The following HHIP variants were observed in gnomAD, a reference collection of about 807,000 sequenced individuals.
HHIP encodes the protein hedgehog interacting protein, also known as hedgehog-interacting protein.
In HHIP, 12 loss-of-function variants were observed where a neutral mutation model predicts 74.0. That is an observed-to-expected ratio of 0.16 (90% CI 0.10 to 0.26). The LOEUF (loss-of-function observed/expected upper bound fraction) is 0.26, where lower values mean the gene tolerates loss of function less well. Among genes scored for constraint, HHIP ranks in the 10% least tolerant of loss-of-function variants. The pLI is 1.00. For missense variants in HHIP, 788 were observed against 845.0 expected (o/e 0.93, Z 0.84); for synonymous variants, 309 against 311.6 (o/e 0.99, Z 0.09).
At chr4:144,735,845 A>G (rs2126693349) in intron 12 of HHIP, among the ~76,000 whole-genome samples, 1 of 152,270 alleles carries the variant, frequency 6.6e-6, no homozygotes, top group East Asian at 1.9e-4. Context: ...AACCACATAT[A>G]GAGGATATAT....
intron 4 of HHIP, among the ~76,000 whole-genome samples, chr4:144,705,425 T>A (rs1730107521): frequency 6.6e-6 from 1 of 152,226 alleles, no homozygotes; most frequent in South Asian, 2.1e-4. Flanking sequence ...CATAGCTTTT[T>A]GCCATACGCT....
intron 11 of HHIP, among the ~76,000 whole-genome samples, chr4:144,727,562 G>A (rs1730838448): frequency 1.3e-5 from 2 of 152,106 alleles, no homozygotes; most frequent in South Asian, 4.1e-4. Context: ...CTAGGATATT[G>A]CAAATATAAT....
At chr4:144,733,018 CAAAAT>C (rs1731005176) in intron 11 of HHIP, among the ~76,000 whole-genome samples, 1 of 152,064 alleles carries the variant, frequency 6.6e-6, no homozygotes, top group Admixed American at 6.5e-5. Flanking sequence ...GTCTCACAAA[CAAAAT>C]AAGAATTTTA....
rs1292579474 is a variant in HHIP, at chr4:144,742,926, CT to C, written c.*4972del. ...TTTTATATATATCTTATATATATAT[CT>C]TTATATATATCTTATATATATATCT... On this transcript the variant is annotated 3_prime_UTR_variant, in exon 13 of 13. Transcript: ENST00000296575. The C allele has an allele frequency of 1.7e-5, 2 of 114,494 alleles. No individual in the cohort carries two copies. The highest frequency in any genetic ancestry group is 2.5e-4 in the East Asian group (1 of 4,070). The allele number at this position is 114,494 out of a possible 1,614,324, so 7.1% of individuals were successfully genotyped here.
At chr4:144,683,932 C>T (rs1729411548) in intron 4 of HHIP, among the ~76,000 whole-genome samples, 1 of 151,842 alleles carries the variant, frequency 6.6e-6, no homozygotes, top group African/African-American at 2.4e-5. Context: ...TTTTTGAAGA[C>T]CTCCTGTAGT....
intron 4 of HHIP, among the ~76,000 whole-genome samples, chr4:144,702,691 T>C: frequency 6.6e-6 from 1 of 151,664 alleles, no homozygotes; most frequent in East Asian, 1.9e-4. Flanking sequence ...TTTTTTTTTT[T>C]AAAGCATTAC....
At chr4:144,694,187 T>A (rs889675356) in intron 4 of HHIP, among the ~76,000 whole-genome samples, 3 of 151,924 alleles carry the variant, frequency 2.0e-5, no homozygotes, top group Non-Finnish European at 2.9e-5. Flanking sequence ...AAACTCTACT[T>A]AGAAAATAAT....
At chr4:144,723,295 C>A (rs1361395992) in intron 11 of HHIP, among the ~76,000 whole-genome samples, 1 of 152,084 alleles carries the variant, frequency 6.6e-6, no homozygotes, top group Non-Finnish European at 1.5e-5. Flanking sequence ...CATGTTGTAT[C>A]CCCAATCTCC....
chr4:144,680,193 G>T (rs544209670), intron 4 of HHIP, among the ~76,000 whole-genome samples: 2 of 151,974 alleles, frequency 1.3e-5, no homozygotes, highest in African/African-American at 2.4e-5. Flanking sequence ...CATGATTTTA[G>T]TTTTTTCTGA....
In HHIP at chr4:144,706,578, C is replaced by T; in HGVS notation, c.879C>T (p.Tyr293=). The T allele has an allele frequency of 1.2e-6, 2 of 1,612,892 alleles. No individual in the cohort carries two copies. Among genetic ancestry groups the T allele is most frequent in the Non-Finnish European group, 1.7e-6 (2 of 1,179,454 alleles). ...TAAGCCTCGCATTCCATCCCAATTA[C>T]AAGAAAAATGGAAAGTTGTATGTGT... is the stretch of plus-strand genomic sequence containing the variant. The part of the protein sequence containing the change: ...GLLSLAFHPN[Y]KKNGKLYVSY... The change falls in exon 5 of 13, where the codon TAC becomes TAT. Residue 293 remains tyrosine, a synonymous_variant. Transcript: ENST00000296575.
intron 7 of HHIP, 68 bp downstream of exon 7, chr4:144,708,379 T>C (rs901210140): frequency 5.2e-6 from 8 of 1,527,912 alleles, no homozygotes; most frequent in African/African-American, 1.4e-5. Context: ...TGGGAAAATA[T>C]AGCATAGAGC....
intron 4 of HHIP, among the ~76,000 whole-genome samples, chr4:144,663,469 T>C (rs983682540): frequency 2.0e-5 from 3 of 152,098 alleles, no homozygotes; most frequent in Non-Finnish European, 4.4e-5. Context: ...ATGAGACATA[T>C]TTTCTCTGCC....
intron 4 of HHIP, among the ~76,000 whole-genome samples, chr4:144,675,541 G>A (rs1729149497): frequency 6.6e-6 from 1 of 152,018 alleles, no homozygotes; most frequent in East Asian, 1.9e-4. Context: ...AATACAAAGA[G>A]ATTATTAATT....
intron 4 of HHIP, among the ~76,000 whole-genome samples, chr4:144,702,992 G>A (rs780415118): frequency 9.9e-5 from 15 of 152,042 alleles, no homozygotes; most frequent in Non-Finnish European, 1.5e-4. Context: ...CGAGGAGGGC[G>A]GATCACCTGA....
chr4:144,717,111 C>A (rs567366617), intron 10 of HHIP, among the ~76,000 whole-genome samples: 1 of 152,118 alleles, frequency 6.6e-6, no homozygotes, highest in African/African-American at 2.4e-5. Context: ...AAAGCTACAA[C>A]CCTGTATATA....
Position 144,742,857 on chromosome 4 carries a change from A to T in HHIP, c.*4900A>T, listed in dbSNP as rs1731290073. The T allele has an allele frequency of 1.4e-5, 2 of 138,308 alleles. No homozygotes were observed. Among genetic ancestry groups the T allele is most frequent in the African/African-American group, 2.9e-5 (1 of 34,870 alleles). 8.6% of individuals were successfully genotyped at this position (138,308 alleles called of 1,614,324 possible). A position where few individuals can be genotyped will look rare whatever the true frequency, so the allele number is the denominator to read the frequency against. Reference sequence around the variant, plus strand: ...GTTATATATATATCTTTATATATATATCTTATATATATATCTTTTTATATA... The same window carrying T: ...GTTATATATATATCTTTATATATATTTCTTATATATATATCTTTTTATATA... On this transcript the variant is annotated 3_prime_UTR_variant, in exon 13 of 13. Coordinates refer to ENST00000296575, the MANE Select transcript of HHIP (RefSeq NM_022475.3).
chr4:144,677,389 G>A lies in HHIP; in HGVS notation c.831+17551G>A, dbSNP rs1328866619. 2.6e-5 allele frequency among the ~76,000 whole-genome samples: 4 copies of A among 152,154 alleles called. No individual in the cohort carries two copies. The South Asian group carries it at 8.3e-4, about 31-fold the overall frequency. ...TCTCCTTGCAGCACAGATTGTAGCA[G>A]CTCTAAGCTTACATCCTACCAGCTT... On this transcript the variant is annotated intron_variant, in intron 4 of 12. Transcript: ENST00000296575.
At chr4:144,698,017 T>G (rs111537023) in intron 4 of HHIP, among the ~76,000 whole-genome samples, 1 of 152,284 alleles carries the variant, frequency 6.6e-6, no homozygotes, top group Non-Finnish European at 1.5e-5. Flanking sequence ...ATTCTTCCAT[T>G]TGCACTTTTC....
At chr4:144,731,648 G>A (rs943905412) in intron 11 of HHIP, among the ~76,000 whole-genome samples, 3 of 152,076 alleles carry the variant, frequency 2.0e-5, no homozygotes, top group African/African-American at 7.2e-5. Context: ...TCAAACTCCT[G>A]ACCTCAGGTG....
Sources: gnomAD v4.1 joint callset for allele counts (sites outside exome capture counted in the v4.1 genomes callset) on GRCh38, gnomAD v4.1.1 for gene constraint, MANE v1.5 for transcripts, NCBI Gene and HGNC (gene_info 2026-07-23, HGNC 2026-07-21) for gene names.